SLC17A5: variants seen among roughly 807,000 people sequenced by gnomAD.
SLC17A5 encodes the protein solute carrier family 17 member 5.
In SLC17A5, 47 loss-of-function variants were observed where a neutral mutation model predicts 59.4. The ratio of observed to expected loss-of-function variants is 0.79; its 90% CI spans 0.63 to 1.01. SLC17A5 has a LOEUF of 1.01. SLC17A5 is among the 50% of genes least tolerant of loss of function. SLC17A5 has a pLI of 0.00. For synonymous variants in SLC17A5, 202 were observed against 210.7 expected, an observed-to-expected ratio of 0.96 and a Z score of 0.36; for missense variants, 522 against 595.5, an observed-to-expected ratio of 0.88 and a Z score of 1.28.
rs1305300085 is a variant in SLC17A5, at chr6:73,621,914, G to T, written c.868C>A (p.Pro290Thr). The T allele has an allele frequency of 2.5e-6, 4 of 1,613,832 alleles. No homozygotes were observed. Among genetic ancestry groups the T allele is most frequent in the Middle Eastern group, 3.3e-4 (2 of 6,080 alleles). The change falls in exon 7 of 11, where the codon CCA (proline) becomes ACA (threonine). Residue 290 changes from proline to threonine, a missense_variant. Pro to Thr is a conservative substitution (Grantham distance 38, BLOSUM62 -1). Coordinates refer to ENST00000355773, the MANE Select transcript of SLC17A5 (RefSeq NM_012434.5). ...TGTGCAACTACGATAGCCCAAAGTG[G>T]CAGGGATTTTAAAATGGGTACCCAC... ...VPWVPILKSLPLWAIVVAHFS... is the reference protein window; with the variant it reads ...VPWVPILKSLTLWAIVVAHFS...
At chr6:73,614,891 G>A (rs1767786694) in intron 8 of SLC17A5, among the ~76,000 whole-genome samples, 1 of 152,106 alleles carries the variant, frequency 6.6e-6, no homozygotes, top group African/African-American at 2.4e-5. Context: ...AAAATAAAGT[G>A]TTTCTCTGAG....
At position 73,615,813 on chromosome 6, in the gene SLC17A5, A is replaced by T. The variant is rs898861388; in HGVS notation, c.979-366T>A. 7.4e-4 allele frequency among the ~76,000 whole-genome samples: 111 copies of T among 150,680 alleles called. 4 individuals carry two copies. Among genetic ancestry groups the T allele is most frequent in the African/African-American group, 2.4e-3 (97 of 40,858 alleles). ...CATTCTCACTCATTTATTTAAAAAA[A>T]ATTTTTTTTACTATAAAATAAAATG... On this transcript the variant is annotated intron_variant, in intron 7 of 10. Transcript: ENST00000355773.
intron 4 of SLC17A5, 111 bp from the exon 5 acceptor site, chr6:73,636,818 T>A: frequency 1.2e-6 from 1 of 808,130 alleles, no homozygotes; most frequent in East Asian, 2.5e-5. Context: ...CAGTGGCTCA[T>A]TCCTGTAATC....
At chr6:73,630,875 C>CA (rs1561995824) in intron 6 of SLC17A5, among the ~76,000 whole-genome samples, 1 of 151,688 alleles carries the variant, frequency 6.6e-6, no homozygotes, top group African/African-American at 2.4e-5. Flanking sequence ...GGAGAAACCC[C>CA]GTTTCTACTA....
In SLC17A5 at chr6:73,610,519, TAC is replaced by T. The variant is rs386833988; in HGVS notation, c.1138_1139del (p.Val380SerfsTer8). On this transcript the variant is annotated frameshift_variant, in exon 9 of 11. Transcript: ENST00000355773. LOFTEE classifies it high-confidence loss of function. Reference protein sequence around the residue: ...IGMIGPAVFLVAAGFIGCDYS... With the variant: ...IGMIGPAVFLXAAGFIGCDYS... ...AATCACAGCCAATGAAGCCAGCAGCTACCAGGAATACTGCAGGTCCAATCATT... is the reference window on the plus strand; with the variant it reads ...AATCACAGCCAATGAAGCCAGCAGCTCAGGAATACTGCAGGTCCAATCATT... 103 of 1,614,014 alleles carry T rather than the reference TAC, an allele frequency of 6.4e-5. No homozygotes were observed. The highest frequency in any genetic ancestry group is 8.0e-5 in the Non-Finnish European group (94 of 1,180,036).
At chr6:73,597,651 A>G (rs1766877434) in intron 10 of SLC17A5, among the ~76,000 whole-genome samples, 1 of 151,550 alleles carries the variant, frequency 6.6e-6, no homozygotes, top group Non-Finnish European at 1.5e-5. Context: ...TGGACATGGT[A>G]GTGTACATCT....
intron 6 of SLC17A5, among the ~76,000 whole-genome samples, chr6:73,633,092 C>G (rs933786786): frequency 3.3e-5 from 5 of 152,204 alleles, no homozygotes; most frequent in South Asian, 4.1e-4. Flanking sequence ...CTTAAGCAGT[C>G]CCCTTGCCTC....
Position 73,593,931 on chromosome 6 carries a change from A to C in SLC17A5, c.*1146T>G, listed in dbSNP as rs931811398. The C allele has an allele frequency of 1.3e-5, 2 of 152,168 alleles. No homozygotes were observed. Among genetic ancestry groups the C allele is most frequent in the African/African-American group, 4.8e-5 (2 of 41,460 alleles). The allele number at this position is 152,168 out of a possible 1,614,324, so 9.4% of individuals were successfully genotyped here. On this transcript the variant is annotated 3_prime_UTR_variant, in exon 11 of 11. Coordinates refer to ENST00000355773, the MANE Select transcript of SLC17A5 (RefSeq NM_012434.5). ...TACAAACGAACAAAACACAGCACAT[A>C]GAAATTTATACTGTGATCCATGTGA...
At chr6:73,629,164 G>A (rs1768573503) in intron 6 of SLC17A5, among the ~76,000 whole-genome samples, 1 of 152,002 alleles carries the variant, frequency 6.6e-6, no homozygotes, top group Non-Finnish European at 1.5e-5. Context: ...GAGGCAGGCA[G>A]ATCACTTGAG....
chr6:73,606,488 G>C (rs1290074363), intron 9 of SLC17A5, among the ~76,000 whole-genome samples: 1 of 152,148 alleles, frequency 6.6e-6, no homozygotes, highest in African/African-American at 2.4e-5. Context: ...AACCTGTTTA[G>C]CTTCTTATGA....
intron 7 of SLC17A5, chr6:73,618,412 C>A: frequency 3.1e-6 from 1 of 323,388 alleles, no homozygotes. Context: ...GAAGAAATGC[C>A]TGGTGCAGAG....
Position 73,600,967 on chromosome 6 carries a change from C to T in SLC17A5, c.1260-526G>A, listed in dbSNP as rs143059125. Among the ~76,000 whole-genome samples the T allele has an allele frequency of 1.9e-3, 295 of 152,262 alleles. 1 individual carries two copies. The highest frequency in any genetic ancestry group is 6.6e-3 in the African/African-American group (274 of 41,556). Reference sequence around the variant, plus strand: ...TTAACATTAGGCCCGGCCGCCACCCCGTCTGGGAAGTGAGGAGCGTCTCTG... The same window carrying T: ...TTAACATTAGGCCCGGCCGCCACCCTGTCTGGGAAGTGAGGAGCGTCTCTG... On this transcript the variant is annotated intron_variant, in intron 9 of 10. Transcript: ENST00000355773.
chr6:73,607,684 T>G (rs1016179302), intron 9 of SLC17A5, among the ~76,000 whole-genome samples: 2 of 152,138 alleles, frequency 1.3e-5, no homozygotes, highest in African/African-American at 4.8e-5. Flanking sequence ...ACCTGATGAA[T>G]CCTAAGCTAC....
chr6:73,624,602 G>A (rs762276991), intron 6 of SLC17A5, among the ~76,000 whole-genome samples: 4 of 151,906 alleles, frequency 2.6e-5, no homozygotes, highest in Non-Finnish European at 5.9e-5. Flanking sequence ...ACGGCCAGGC[G>A]TGGTGGCTCA....
chr6:73,601,640 G>T (rs1215561265), intron 9 of SLC17A5, among the ~76,000 whole-genome samples: 1 of 95,136 alleles, frequency 1.1e-5, no homozygotes, highest in East Asian at 3.0e-4. Flanking sequence ...GGGAGGTGGG[G>T]GGGGGTCAGC....
rs201100091 is a variant in SLC17A5, at chr6:73,600,471, A to C, written c.1260-30T>G. 41 of 1,329,176 alleles carry C rather than the reference A, an allele frequency of 3.1e-5. No individual in the cohort carries two copies. In the East Asian group the frequency reaches 7.2e-4, roughly 23 times the overall value. The allele number at this position is 1,329,176 out of a possible 1,614,324, so 82.3% of individuals were successfully genotyped here. On this transcript the variant is annotated intron_variant, in intron 9 of 10. Coordinates refer to ENST00000355773, the MANE Select transcript of SLC17A5 (RefSeq NM_012434.5). The stretch of plus-strand genomic sequence containing the variant: ...AGAAACATTTTCATAGACGTTTATT[A>C]TTGTGATACACATTTAAACAGCTTC...
chr6:73,608,673 C>T (rs1044488524), intron 9 of SLC17A5, among the ~76,000 whole-genome samples: 3 of 152,198 alleles, frequency 2.0e-5, no homozygotes, highest in Admixed American at 2.0e-4. Context: ...TGCCAAAACT[C>T]TCAATTCCCA....
chr6:73,608,753 C>T (rs572732449), intron 9 of SLC17A5, among the ~76,000 whole-genome samples: 140 of 152,290 alleles, frequency 9.2e-4, no homozygotes, highest in African/African-American at 3.2e-3. Flanking sequence ...CTGTGGCCCA[C>T]GCCTGTAATC....
chr6:73,609,303 T>G (rs1285273386), intron 9 of SLC17A5, among the ~76,000 whole-genome samples: 1 of 152,178 alleles, frequency 6.6e-6, no homozygotes, highest in Admixed American at 6.5e-5. Context: ...AGAAAGAATT[T>G]TGGGCTTAAA....
Sources: gnomAD v4.1 joint callset for allele counts (sites outside exome capture counted in the v4.1 genomes callset) on GRCh38, gnomAD v4.1.1 for gene constraint, MANE v1.5 for transcripts, NCBI Gene and HGNC (gene_info 2026-07-23, HGNC 2026-07-21) for gene names.